The following PLEKHM3 variants were observed in gnomAD, a reference collection of about 807,000 sequenced individuals.
PLEKHM3 encodes the protein pleckstrin homology domain-containing family M member 3.
In PLEKHM3, 45 loss-of-function variants were observed where a neutral mutation model predicts 81.8. That is an observed-to-expected ratio of 0.55 (90% CI 0.43 to 0.71). The LOEUF is 0.71. PLEKHM3 is among the 30% of genes least tolerant of loss of function. The probability of loss-of-function intolerance (pLI) is 0.00; values close to 1 mark genes in which losing one functional copy is unlikely to be tolerated. For synonymous variants in PLEKHM3, 352 were observed against 356.4 expected, an observed-to-expected ratio of 0.99 and a Z score of 0.14; for missense variants, 788 against 924.3, an observed-to-expected ratio of 0.85 and a Z score of 1.91.
chr2:207,920,050 C>T (rs549436939), intron 5 of PLEKHM3, among the ~76,000 whole-genome samples: 4 of 152,052 alleles, frequency 2.6e-5, no homozygotes, highest in African/African-American at 7.2e-5. Context: ...TCTCACCATT[C>T]GGTAAAACTG....
chr2:207,912,119 G>A (rs182857106), intron 5 of PLEKHM3, among the ~76,000 whole-genome samples: 31 of 152,284 alleles, frequency 2.0e-4, no homozygotes, highest in Admixed American at 1.2e-3. Context: ...GAATACAACT[G>A]ATGAGCAACA....
intron 2 of PLEKHM3, among the ~76,000 whole-genome samples, chr2:207,994,647 C>G (rs1260036324): frequency 6.6e-6 from 1 of 152,176 alleles, no homozygotes; most frequent in Non-Finnish European, 1.5e-5. Flanking sequence ...AGGAGAGGCA[C>G]TGATCCTGAG....
intron 1 of PLEKHM3, among the ~76,000 whole-genome samples, chr2:208,003,517 T>A (rs1226749317): frequency 1.3e-5 from 2 of 152,212 alleles, no homozygotes; most frequent in East Asian, 1.9e-4. Flanking sequence ...TTATTTTAGA[T>A]CAAGGAGGTT....
At chr2:208,013,764 C>T (rs1466168024) in intron 1 of PLEKHM3, among the ~76,000 whole-genome samples, 1 of 152,176 alleles carries the variant, frequency 6.6e-6, no homozygotes, top group Non-Finnish European at 1.5e-5. Flanking sequence ...TCCCTCACTT[C>T]CTGTTGACTT....
chr2:207,901,951 C>T (rs544220136), intron 6 of PLEKHM3, among the ~76,000 whole-genome samples: 3 of 152,266 alleles, frequency 2.0e-5, no homozygotes, highest in South Asian at 2.1e-4. Flanking sequence ...ACAACACAGG[C>T]GAGCTGTCAC....
At chr2:207,840,042 A>G (rs1310078549) in intron 7 of PLEKHM3, among the ~76,000 whole-genome samples, 1 of 152,254 alleles carries the variant, frequency 6.6e-6, no homozygotes, top group African/African-American at 2.4e-5. Context: ...CCTCCTGGGA[A>G]TTCTGATGAA....
chr2:207,853,971 A>G (rs978437133), intron 7 of PLEKHM3, among the ~76,000 whole-genome samples: 4 of 151,896 alleles, frequency 2.6e-5, no homozygotes, highest in African/African-American at 7.3e-5. Flanking sequence ...GGGTTTCACC[A>G]TGTTGGCCAG....
At chr2:207,860,240 T>C (rs564074872) in intron 7 of PLEKHM3, among the ~76,000 whole-genome samples, 175 of 151,860 alleles carry the variant, frequency 1.2e-3, no homozygotes, top group Non-Finnish European at 2.0e-3. Context: ...TGTCTGTTTT[T>C]CTGTGTGTGG....
chr2:207,835,190 G>A (rs1242160881), intron 7 of PLEKHM3, among the ~76,000 whole-genome samples: 1 of 151,816 alleles, frequency 6.6e-6, no homozygotes, highest in Non-Finnish European at 1.5e-5. Flanking sequence ...TGATCCGCCC[G>A]CCTTGGCCTC....
intron 7 of PLEKHM3, among the ~76,000 whole-genome samples, chr2:207,857,403 C>T (rs1201934222): frequency 1.3e-5 from 2 of 152,056 alleles, no homozygotes; most frequent in Non-Finnish European, 2.9e-5. Flanking sequence ...GAATATCTCA[C>T]TCTGGATATC....
intron 1 of PLEKHM3, among the ~76,000 whole-genome samples, chr2:208,014,825 G>A (rs894175438): frequency 3.9e-5 from 6 of 152,112 alleles, no homozygotes; most frequent in African/African-American, 1.2e-4. Context: ...CATACTTCTC[G>A]GATTGTTTTG....
At chr2:207,936,281 A>AT (rs1008846687) in intron 4 of PLEKHM3, among the ~76,000 whole-genome samples, 13 of 151,974 alleles carry the variant, frequency 8.6e-5, no homozygotes, top group East Asian at 1.9e-4. Flanking sequence ...CTATTTGTGT[A>AT]TTTTTTTTAC....
intron 3 of PLEKHM3, among the ~76,000 whole-genome samples, chr2:207,974,702 G>C (rs1270669075): frequency 6.6e-6 from 1 of 152,148 alleles, no homozygotes; most frequent in Non-Finnish European, 1.5e-5. Flanking sequence ...TGAAATGTCA[G>C]TAATTTCTAT....
intron 7 of PLEKHM3, among the ~76,000 whole-genome samples, chr2:207,831,728 C>T (rs976386058): frequency 2.6e-5 from 4 of 152,190 alleles, no homozygotes; most frequent in Non-Finnish European, 5.9e-5. Flanking sequence ...TCTTCCTCTT[C>T]CCAGCCCCCT....
At chr2:207,950,977 G>C (rs1019782966) in intron 3 of PLEKHM3, among the ~76,000 whole-genome samples, 1 of 152,170 alleles carries the variant, frequency 6.6e-6, no homozygotes, top group African/African-American at 2.4e-5. Context: ...AAGATTAGAG[G>C]CTAGTTAGTG....
At chr2:207,879,239 G>T (rs1201798641) in intron 6 of PLEKHM3, among the ~76,000 whole-genome samples, 1 of 152,092 alleles carries the variant, frequency 6.6e-6, no homozygotes, top group Non-Finnish European at 1.5e-5. Flanking sequence ...TTGATCTCAG[G>T]CCTGTCTGAT....
In PLEKHM3 at chr2:207,977,979, C is replaced by T. The variant is rs143178051; in HGVS notation, c.611-393G>A. On this transcript the variant is annotated intron_variant, in intron 2 of 7. Transcript: ENST00000427836. ...GCACATGCCTGTAGCCCTAGCTACT[C>T]AGGAGGCTGAGGTAGGAGGATCACT... is the stretch of plus-strand genomic sequence containing the variant. 4.6e-3 allele frequency among the ~76,000 whole-genome samples: 698 copies of T among 152,196 alleles called. 6 individuals are homozygous for T. The highest frequency in any genetic ancestry group is 0.016 in the African/African-American group (665 of 41,532).
intron 4 of PLEKHM3, among the ~76,000 whole-genome samples, chr2:207,940,553 G>A (rs757773566): frequency 5.9e-5 from 9 of 152,136 alleles, no homozygotes; most frequent in Admixed American, 4.6e-4. Context: ...GTCTGGGCTC[G>A]TTTTACAGAT....
chr2:207,938,947 T>A (rs1343477568), intron 4 of PLEKHM3, among the ~76,000 whole-genome samples: 1 of 152,206 alleles, frequency 6.6e-6, no homozygotes, highest in Non-Finnish European at 1.5e-5. Context: ...CCTCCTCCAT[T>A]TCATGCCATC....
Sources: gnomAD v4.1 joint callset for allele counts (sites outside exome capture counted in the v4.1 genomes callset) on GRCh38, gnomAD v4.1.1 for gene constraint, MANE v1.5 for transcripts, NCBI Gene and HGNC (gene_info 2026-07-23, HGNC 2026-07-21) for gene names.